The following XKR6 variants were observed in gnomAD, a reference collection of about 807,000 sequenced individuals.
The protein encoded by XKR6 is XK related 6.
Under a neutral mutation model 56.7 loss-of-function variants are expected in XKR6, and 22 were observed. That is an observed-to-expected ratio of 0.39 (90% CI 0.28 to 0.55). The LOEUF is 0.55. XKR6 is among the 20% of genes least tolerant of loss of function. The pLI is 0.66. For synonymous variants in XKR6, 524 were observed against 387.8 expected (o/e 1.35, Z -4.13); for missense variants, 852 against 889.0 (o/e 0.96, Z 0.53).
chr8:11,101,542 A>T (rs1317174192), intron 1 of XKR6, among the ~76,000 whole-genome samples: 1 of 152,212 alleles, frequency 6.6e-6, no homozygotes. Context: ...GGAGAGATGG[A>T]AGACAGGAAA....
At chr8:11,130,657 A>G (rs1800060652) in intron 1 of XKR6, among the ~76,000 whole-genome samples, 1 of 151,688 alleles carries the variant, frequency 6.6e-6, no homozygotes, top group Admixed American at 6.6e-5. Context: ...AGGATGATGT[A>G]AAAGGCCACT....
intron 1 of XKR6, among the ~76,000 whole-genome samples, chr8:11,015,734 G>C (rs1317880117): frequency 6.6e-6 from 1 of 152,094 alleles, no homozygotes; most frequent in Non-Finnish European, 1.5e-5. Flanking sequence ...GGGCGGGCTC[G>C]GGGTAAGACA....
In XKR6 at chr8:11,038,496, T is replaced by TG. The variant is rs1311337800; in HGVS notation, c.765-113667_765-113666insC. ...GACTCAGATAAGTAATTGTAGTCATTTTGTGTGTGTGTGTGTGTGTGTGTG... is the reference window on the plus strand; with the variant it reads ...GACTCAGATAAGTAATTGTAGTCATTGTTGTGTGTGTGTGTGTGTGTGTGTG... On this transcript the variant is annotated intron_variant, in intron 1 of 2. Transcript: ENST00000416569. Among the ~76,000 whole-genome samples the TG allele has an allele frequency of 3.7e-5, 5 of 134,350 alleles. No individual in the cohort carries two copies. The East Asian group carries it at 8.3e-4, about 22-fold the overall frequency. The allele number at this position is 134,350 out of a possible 152,430, so 88.1% of individuals were successfully genotyped here.
intron 1 of XKR6, among the ~76,000 whole-genome samples, chr8:11,188,719 A>C (rs1259482520): frequency 6.6e-6 from 1 of 152,152 alleles, no homozygotes; most frequent in Non-Finnish European, 1.5e-5. Flanking sequence ...AAAATGACAG[A>C]TTTGGAGTTC....
rs944423614 is a variant in XKR6 at position 11,127,468 on chromosome 8, G to T, written c.764+73108C>A. ...TAAATTATAGTTCTGTGGACTAAAT[G>T]AAGGTGTCAGAAGGGCCACATTTCT... is the stretch of plus-strand genomic sequence containing the variant. On this transcript the variant is annotated intron_variant, in intron 1 of 2. Coordinates refer to ENST00000416569, the MANE Select transcript of XKR6 (RefSeq NM_173683.4). 3.3e-5 allele frequency among the ~76,000 whole-genome samples: 5 copies of T among 152,192 alleles called. No individual in the cohort carries two copies. In the South Asian group the frequency reaches 8.3e-4, roughly 25 times the overall value.
At chr8:10,985,670 C>G (rs1797846370) in intron 1 of XKR6, among the ~76,000 whole-genome samples, 1 of 151,856 alleles carries the variant, frequency 6.6e-6, no homozygotes, top group Admixed American at 6.6e-5. Context: ...AAAAACCTCT[C>G]ATAAAACTTT....
chr8:11,091,108 G>C (rs958406096), intron 1 of XKR6, among the ~76,000 whole-genome samples: 2 of 152,110 alleles, frequency 1.3e-5, no homozygotes, highest in African/African-American at 2.4e-5. Context: ...GGCATGAAAG[G>C]AACCAAGCAA....
intron 1 of XKR6, among the ~76,000 whole-genome samples, chr8:11,053,051 A>AC (rs1011105085): frequency 6.6e-5 from 10 of 151,050 alleles, no homozygotes; most frequent in Non-Finnish European, 1.2e-4. Flanking sequence ...AGCCCAGCTG[A>AC]CCCCCCCACG....
At chr8:11,031,167 CA>C (rs772342658) in intron 1 of XKR6, among the ~76,000 whole-genome samples, 14 of 152,084 alleles carry the variant, frequency 9.2e-5, no homozygotes, top group Non-Finnish European at 1.8e-4. Flanking sequence ...CAAGCTGGGC[CA>C]ATCAGAATCT....
At chr8:11,192,392 A>C (rs1297566619) in intron 1 of XKR6, among the ~76,000 whole-genome samples, 2 of 152,092 alleles carry the variant, frequency 1.3e-5, no homozygotes, top group Non-Finnish European at 2.9e-5. Context: ...CTCGTGATCC[A>C]TCCACCTCAG....
In XKR6 at chr8:11,145,440, T is replaced by A. The variant is rs375146891; in HGVS notation, c.764+55136A>T. Among the ~76,000 whole-genome samples the A allele has an allele frequency of 4.3e-4, 66 of 152,094 alleles. 1 individual carries two copies. Among genetic ancestry groups the A allele is most frequent in the African/African-American group, 1.4e-3 (58 of 41,480 alleles). On this transcript the variant is annotated intron_variant, in intron 1 of 2. Coordinates refer to ENST00000416569, the MANE Select transcript of XKR6 (RefSeq NM_173683.4). ...CATCAAAGTACATTGTTATAAAACT[T>A]ATTTGTAGATGACATGATCATCTAC...
intron 2 of XKR6, among the ~76,000 whole-genome samples, chr8:10,922,392 C>T (rs1800748053): frequency 6.6e-6 from 1 of 152,236 alleles, no homozygotes; most frequent in Non-Finnish European, 1.5e-5. Flanking sequence ...GGGAACCGGA[C>T]ATTGCCCTGC....
At chr8:11,154,727 C>A (rs774098416) in intron 1 of XKR6, among the ~76,000 whole-genome samples, 7 of 152,176 alleles carry the variant, frequency 4.6e-5, no homozygotes, top group Non-Finnish European at 7.4e-5. Flanking sequence ...TTCTAGAATA[C>A]ATGTAATCCT....
At chr8:11,162,140 T>C (rs958131566) in intron 1 of XKR6, among the ~76,000 whole-genome samples, 12 of 152,132 alleles carry the variant, frequency 7.9e-5, no homozygotes, top group Non-Finnish European at 1.8e-4. Context: ...ACCCACCTAA[T>C]TGTAAAAGGA....
At chr8:11,188,926 T>C (rs958601909) in intron 1 of XKR6, among the ~76,000 whole-genome samples, 1 of 152,114 alleles carries the variant, frequency 6.6e-6, no homozygotes, top group African/African-American at 2.4e-5. Flanking sequence ...AAAGGGAAGG[T>C]ATTGAGTGTG....
chr8:11,081,489 A>G (rs991782099), intron 1 of XKR6, among the ~76,000 whole-genome samples: 1 of 152,238 alleles, frequency 6.6e-6, no homozygotes, highest in South Asian at 2.1e-4. Flanking sequence ...ATCACACATC[A>G]AAATGTGGAC....
In XKR6 at chr8:11,200,331, C is replaced by T. The variant is rs1804138169; in HGVS notation, c.764+245G>A. ...CGGGGAGGGCAGGTTGGGGCAAGAG[C>T]CCCGCCGAGTGCGAAGCGGGGACGA... On this transcript the variant is annotated intron_variant, in intron 1 of 2. Transcript: ENST00000416569. This position sits in a 1 kb window ranked among gnomAD's most constrained non-coding sequence, Gnocchi z 6.4. Among the ~76,000 whole-genome samples the T allele has an allele frequency of 6.6e-6, 1 of 152,324 alleles. No individual in the cohort carries two copies. The highest frequency in any genetic ancestry group is 1.9e-4 in the East Asian group (1 of 5,170).
At position 10,972,246 on chromosome 8, in the gene XKR6, G is replaced by C. The variant is rs150933389; in HGVS notation, c.765-47416C>G. 3.7e-3 allele frequency among the ~76,000 whole-genome samples: 563 copies of C among 152,204 alleles called. 5 individuals are homozygous for C. The highest frequency in any genetic ancestry group is 0.013 in the African/African-American group (533 of 41,522). ...AGCCTAAACAGAACAGAGCTCTCTAGGAAAAAAACAACATGAAATTCGGGG... is the reference window on the plus strand; with the variant it reads ...AGCCTAAACAGAACAGAGCTCTCTACGAAAAAAACAACATGAAATTCGGGG... On this transcript the variant is annotated intron_variant, in intron 1 of 2. Transcript: ENST00000416569.
intron 1 of XKR6, among the ~76,000 whole-genome samples, chr8:11,189,772 C>A (rs561126828): frequency 6.6e-6 from 1 of 152,292 alleles, no homozygotes; most frequent in Admixed American, 6.5e-5. Flanking sequence ...GATTCTTGGG[C>A]CCATCCCAGA....
Sources: gnomAD v4.1 joint callset for allele counts (sites outside exome capture counted in the v4.1 genomes callset) on GRCh38, gnomAD v4.1.1 for gene constraint, Gnocchi (gnomAD v3.1) non-coding constraint, MANE v1.5 for transcripts, NCBI Gene and HGNC (gene_info 2026-07-23, HGNC 2026-07-21) for gene names.